Variants in CLIC2 observed in about 807,000 individuals in gnomAD.
CLIC2 encodes CLIC family member 2.
CLIC2 carries 9 observed loss-of-function variants against 14.8 expected under a neutral mutation model. That is an observed-to-expected ratio of 0.61 (90% CI 0.37 to 1.06). CLIC2 has a LOEUF of 1.06. Among genes scored for constraint, CLIC2 ranks in the 50% least tolerant of loss-of-function variants. The pLI is 0.01. For synonymous variants in CLIC2, 61 were observed against 66.3 expected (o/e 0.92, Z 0.39); for missense variants, 148 against 181.4 (o/e 0.82, Z 1.06).
chrX:155,299,962 A>C (rs2124178063), intron 1 of CLIC2, among the ~76,000 whole-genome samples: 1 of 110,404 alleles, frequency 9.1e-6, no homozygotes, highest in Non-Finnish European at 1.9e-5. Context: ...ACATTTTCTG[A>C]ATCCAGTCTA....
chrX:155,334,555 A>G lies in CLIC2; in HGVS notation c.-128T>C. ...GCTTTAAGAAGACCGTCTAGCTTGT[A>G]GTGGACTGAGTCAGACCTGGAGCCA... On this transcript the variant is annotated 5_prime_UTR_variant, in exon 1 of 6. Coordinates refer to ENST00000369449, the MANE Select transcript of CLIC2 (RefSeq NM_001289.6). 1.7e-6 allele frequency: 1 copy of G among 580,813 alleles called. No individual in the cohort carries two copies. Among genetic ancestry groups the G allele is most frequent in the Non-Finnish European group, 3.0e-6 (1 of 334,950 alleles). The allele number at this position is 580,813 out of a possible 1,213,427, so 47.9% of individuals were successfully genotyped here.
At position 155,280,083 on chromosome X, in the gene CLIC2, T is replaced by C. The variant is rs200452345; in HGVS notation, c.294-15A>G. 106 of 1,064,979 alleles carry C rather than the reference T, an allele frequency of 1.0e-4. No homozygotes were observed. The African/African-American group carries it at 1.8e-3, about 18-fold the overall frequency. The allele number at this position is 1,064,979 out of a possible 1,213,427, so 87.8% of individuals were successfully genotyped here. On this transcript the variant is annotated splice_polypyrimidine_tract_variant and intron_variant, in intron 3 of 5. Coordinates refer to ENST00000369449, the MANE Select transcript of CLIC2 (RefSeq NM_001289.6). ...GGTGAGGGTACCTTAAAAAGAAACA[T>C]GCGTCAACTATCATTTGCACATAAC...
intron 1 of CLIC2, among the ~76,000 whole-genome samples, chrX:155,307,590 A>T (rs889245517): frequency 7.1e-5 from 8 of 112,239 alleles, no homozygotes; most frequent in Non-Finnish European, 1.9e-5. Context: ...CAACTTTAAA[A>T]ATGGGCAAGA....
chrX:155,329,951 C>T (rs2075151010), intron 1 of CLIC2, among the ~76,000 whole-genome samples: 1 of 111,170 alleles, frequency 9.0e-6, no homozygotes, highest in Non-Finnish European at 1.9e-5. Context: ...AGACAAACTT[C>T]ACGTGTTCTC....
intron 3 of CLIC2, chrX:155,291,262 A>G: frequency 1.1e-6 from 1 of 926,063 alleles, no homozygotes. Context: ...TATATGATCC[A>G]ATCATAAGTT....
chrX:155,299,310 T>C (rs2075006270), intron 1 of CLIC2, among the ~76,000 whole-genome samples, 165 bp from the exon 2 acceptor site: 1 of 110,953 alleles, frequency 9.0e-6, no homozygotes, highest in Non-Finnish European at 1.9e-5. Context: ...ATAATCTCAT[T>C]ATATGTAAAG....
At chrX:155,321,875 G>A (rs1557321701) in intron 1 of CLIC2, among the ~76,000 whole-genome samples, 1 of 110,235 alleles carries the variant, frequency 9.1e-6, no homozygotes, top group African/African-American at 3.3e-5. Context: ...TATTTACCAA[G>A]CAAATGGAAA....
intron 1 of CLIC2, among the ~76,000 whole-genome samples, chrX:155,301,369 GCTCT>G (rs2075017269): frequency 9.1e-6 from 1 of 110,186 alleles, no homozygotes; most frequent in African/African-American, 3.3e-5. Context: ...TCATGATTTG[GCTCT>G]CTGTTTGTCT....
Position 155,334,444 on chromosome X carries a change from A to G in CLIC2, c.-17T>C, listed in dbSNP as rs1557323114. On this transcript the variant is annotated 5_prime_UTR_variant, in exon 1 of 6. Coordinates refer to ENST00000369449, the MANE Select transcript of CLIC2 (RefSeq NM_001289.6). ...GCCTGACATCTTTGTCTTTACTGCCAGTTGTCAGCCTCCTGCCTCCTGTAG... is the reference window on the plus strand; with the variant it reads ...GCCTGACATCTTTGTCTTTACTGCCGGTTGTCAGCCTCCTGCCTCCTGTAG... 7 of 1,192,068 alleles carry G rather than the reference A, an allele frequency of 5.9e-6. No individual in the cohort carries two copies. The East Asian group carries it at 2.1e-4, about 35-fold the overall frequency.
chrX:155,295,855 AG>A (rs1255136804), intron 3 of CLIC2, among the ~76,000 whole-genome samples: 2 of 111,713 alleles, frequency 1.8e-5, no homozygotes, highest in African/African-American at 6.5e-5. Flanking sequence ...TGCTAATGAA[AG>A]GAATTGAAAA....
At chrX:155,291,096 T>A (rs2074962993) in intron 3 of CLIC2, 3 of 952,391 alleles carry the variant, frequency 3.1e-6, no homozygotes, top group Admixed American at 2.3e-5. Context: ...TTGACGGACA[T>A]GAGAATGATC....
chrX:155,328,268 A>C lies in CLIC2; in HGVS notation c.57+6103T>G, dbSNP rs1472428335. The stretch of plus-strand genomic sequence containing the variant: ...ATCTTATATTTGGAAAAACCTAAAC[A>C]CTCCAATGAAAACTCTTAAAGTTGA... On this transcript the variant is annotated intron_variant, in intron 1 of 5. Transcript: ENST00000369449. 5.4e-5 allele frequency among the ~76,000 whole-genome samples: 6 copies of C among 110,794 alleles called. No homozygotes were observed. In the South Asian group the frequency reaches 1.9e-3, roughly 35 times the overall value.
chrX:155,292,412 A>G, intron 3 of CLIC2: 1 of 562,533 alleles, frequency 1.8e-6, no homozygotes, highest in Non-Finnish European at 3.3e-6. Context: ...AAGAACGTCA[A>G]CGAATTACAG....
chrX:155,309,580 G>A lies in CLIC2; in HGVS notation c.58-10435C>T, dbSNP rs1557320337. 3.2e-5 allele frequency: 9 copies of A among 281,261 alleles called. 1 individual carries two copies. Among genetic ancestry groups the A allele is most frequent in the South Asian group, 1.8e-4 (5 of 28,443 alleles). The allele number at this position is 281,261 out of a possible 1,213,427, so 23.2% of individuals were successfully genotyped here. A position where few individuals can be genotyped will look rare whatever the true frequency, so the allele number is the denominator to read the frequency against. On this transcript the variant is annotated intron_variant, in intron 1 of 5. Coordinates refer to ENST00000369449, the MANE Select transcript of CLIC2 (RefSeq NM_001289.6). ...AGGTTTAATGGACTCACAGTTCCACGTGGCTGGGAAGGCCTCACAATCATG... is the reference window on the plus strand; with the variant it reads ...AGGTTTAATGGACTCACAGTTCCACATGGCTGGGAAGGCCTCACAATCATG...
intron 1 of CLIC2, among the ~76,000 whole-genome samples, chrX:155,318,321 A>G (rs2075101823): frequency 8.9e-6 from 1 of 112,125 alleles, no homozygotes; most frequent in African/African-American, 3.2e-5. Context: ...AGACTCATCC[A>G]AAAAGCTCCT....
chrX:155,320,751 A>G (rs2075111374), intron 1 of CLIC2, among the ~76,000 whole-genome samples: 1 of 111,452 alleles, frequency 9.0e-6, no homozygotes, highest in African/African-American at 3.3e-5. Flanking sequence ...AAAGTGGGTA[A>G]TAACAAACTC....
At chrX:155,327,714 C>A (rs1557322475) in intron 1 of CLIC2, among the ~76,000 whole-genome samples, 1 of 110,896 alleles carries the variant, frequency 9.0e-6, no homozygotes, top group Non-Finnish European at 1.9e-5. Flanking sequence ...ATTTGTACAA[C>A]AAACACCCAT....
At chrX:155,279,061 A>T in intron 5 of CLIC2, 88 bp downstream of exon 5, 1 of 702,338 alleles carries the variant, frequency 1.4e-6, no homozygotes, top group Non-Finnish European at 2.3e-6. Flanking sequence ...GCTATAATAT[A>T]ATAATACCGC....
At chrX:155,294,695 T>A (rs1488016798) in intron 3 of CLIC2, among the ~76,000 whole-genome samples, 1 of 111,715 alleles carries the variant, frequency 9.0e-6, no homozygotes, top group African/African-American at 3.2e-5. Context: ...AAAGGACACA[T>A]TAAGTCATAT....
Sources: gnomAD v4.1 joint callset for allele counts (sites outside exome capture counted in the v4.1 genomes callset) on GRCh38, gnomAD v4.1.1 for gene constraint, MANE v1.5 for transcripts, NCBI Gene and HGNC (gene_info 2026-07-23, HGNC 2026-07-21) for gene names.